Variants in EIF4E observed in about 807,000 individuals in gnomAD.
EIF4E encodes the protein eukaryotic translation initiation factor 4E.
For missense variants in EIF4E, 113 were observed against 265.6 expected (o/e 0.43, Z 3.99); for synonymous variants, 71 against 88.5 (o/e 0.80, Z 1.11).
At chr4:98,888,269 A>G (rs905601718) in intron 3 of EIF4E, among the ~76,000 whole-genome samples, 9 of 152,180 alleles carry the variant, frequency 5.9e-5, no homozygotes, top group South Asian at 4.1e-4. Context: ...AGGTGGCTTT[A>G]AGTAGATGAA....
rs564095919 is a variant in EIF4E, at chr4:98,901,208, T to TC, written c.125+667_125+668insG. On this transcript the variant is annotated intron_variant, in intron 2 of 6. Transcript: ENST00000450253. ...CATGACCACCACTGTCTCTTTTTTT[T>TC]TTTTTTGAGATGGAGTTTCGCTCTT... Among the ~76,000 whole-genome samples the TC allele has an allele frequency of 8.6e-5, 13 of 152,018 alleles. No homozygotes were observed. The South Asian group carries it at 2.7e-3, about 32-fold the overall frequency.
At chr4:98,888,098 T>C (rs955194084) in intron 3 of EIF4E, 146 bp from the exon 4 acceptor site, 42 of 714,156 alleles carry the variant, frequency 5.9e-5, no homozygotes, top group African/African-American at 5.4e-4. Context: ...ATTTCTAAAA[T>C]GGACAAAACA....
chr4:98,899,195 A>T (rs1315056871), intron 2 of EIF4E, among the ~76,000 whole-genome samples: 2 of 152,170 alleles, frequency 1.3e-5, no homozygotes, highest in Non-Finnish European at 2.9e-5. Flanking sequence ...CTTGGAAATA[A>T]ACTTGAAAAG....
At chr4:98,892,537 C>T (rs1399408089) in intron 2 of EIF4E, among the ~76,000 whole-genome samples, 1 of 150,920 alleles carries the variant, frequency 6.6e-6, no homozygotes, top group Non-Finnish European at 1.5e-5. Context: ...AAAAATTTAG[C>T]CAGGCCTGGT....
At chr4:98,919,520 C>T (rs1725555830) in intron 1 of EIF4E, among the ~76,000 whole-genome samples, 1 of 150,724 alleles carries the variant, frequency 6.6e-6, no homozygotes. Flanking sequence ...AATATGTATA[C>T]ATACATTTGC....
At chr4:98,882,304 A>C (rs956603125) in intron 6 of EIF4E, among the ~76,000 whole-genome samples, 6 of 151,328 alleles carry the variant, frequency 4.0e-5, no homozygotes, top group African/African-American at 1.5e-4. Context: ...AGGCAGGAGA[A>C]TGGCGTGAAC....
At chr4:98,915,150 C>T (rs1370771909) in intron 1 of EIF4E, among the ~76,000 whole-genome samples, 1 of 152,136 alleles carries the variant, frequency 6.6e-6, no homozygotes, top group Non-Finnish European at 1.5e-5. Flanking sequence ...AGGGTTTCAT[C>T]ATGTTGCCTA....
At chr4:98,902,602 C>G (rs1366907711) in intron 1 of EIF4E, among the ~76,000 whole-genome samples, 1 of 151,940 alleles carries the variant, frequency 6.6e-6, no homozygotes, top group Non-Finnish European at 1.5e-5. Context: ...TTGGGAAAAT[C>G]TTCTATCTTT....
rs1408744299 is a variant in EIF4E, at chr4:98,887,012, T to C, written c.399+67A>G. On this transcript the variant is annotated intron_variant, in intron 5 of 6. Coordinates refer to ENST00000450253, the MANE Select transcript of EIF4E (RefSeq NM_001968.5). The surrounding 1 kb of genome is among the most constrained non-coding windows in gnomAD (Gnocchi z 4.0). Reference sequence around the variant, plus strand: ...TAAATTAAGTAACAAATGTAAAACATAACATATCTTAAGTATCAGTATTCC... The same window carrying C: ...TAAATTAAGTAACAAATGTAAAACACAACATATCTTAAGTATCAGTATTCC... 2.5e-5 allele frequency: 36 copies of C among 1,465,966 alleles called. No homozygotes were observed. The highest frequency in any genetic ancestry group is 3.2e-5 in the Non-Finnish European group (34 of 1,048,120). The allele number at this position is 1,465,966 out of a possible 1,614,324, so 90.8% of individuals were successfully genotyped here. A position where few individuals can be genotyped will look rare whatever the true frequency, so the allele number is the denominator to read the frequency against.
intron 1 of EIF4E, among the ~76,000 whole-genome samples, chr4:98,917,267 G>T (rs1725429400): frequency 6.6e-6 from 1 of 151,766 alleles, no homozygotes; most frequent in Admixed American, 6.6e-5. Context: ...TACACCAGAA[G>T]AGTTCAGCTT....
At chr4:98,911,061 T>TC (rs1725103879) in intron 1 of EIF4E, among the ~76,000 whole-genome samples, 1 of 149,258 alleles carries the variant, frequency 6.7e-6, no homozygotes, top group African/African-American at 2.5e-5. Flanking sequence ...CTTTTTTTTT[T>TC]CCCTTTGAGA....
intron 1 of EIF4E, among the ~76,000 whole-genome samples, chr4:98,925,316 C>CA (rs891180081): frequency 7.3e-5 from 11 of 151,468 alleles, no homozygotes; most frequent in African/African-American, 2.7e-4. Flanking sequence ...AACTACAAGT[C>CA]AAAAAAAAAT....
intron 1 of EIF4E, among the ~76,000 whole-genome samples, chr4:98,905,469 G>T (rs1186453437): frequency 6.6e-6 from 1 of 152,140 alleles, no homozygotes; most frequent in Non-Finnish European, 1.5e-5. Context: ...TCCAGGTAGT[G>T]ACCAATGTGG....
chr4:98,911,175 A>G (rs1018662630), intron 1 of EIF4E, among the ~76,000 whole-genome samples: 1 of 151,602 alleles, frequency 6.6e-6, no homozygotes, highest in African/African-American at 2.4e-5. Context: ...CAGCCTCCCA[A>G]GTAGCTGGGA....
At chr4:98,906,155 T>C (rs566358282) in intron 1 of EIF4E, among the ~76,000 whole-genome samples, 3 of 152,314 alleles carry the variant, frequency 2.0e-5, no homozygotes, top group East Asian at 1.9e-4. Context: ...AATACCCCAT[T>C]TGTGTCCTCC....
At chr4:98,903,498 T>C (rs1442711341) in intron 1 of EIF4E, 1 of 455,524 alleles carries the variant, frequency 2.2e-6, no homozygotes, top group African/African-American at 2.0e-5. Context: ...GGCACCATGA[T>C]ACCTGGCTAA....
chr4:98,918,057 C>T (rs982521202), intron 1 of EIF4E, among the ~76,000 whole-genome samples: 9 of 148,880 alleles, frequency 6.0e-5, no homozygotes, highest in African/African-American at 2.2e-4. Context: ...AACAGTGAGA[C>T]CCTGTCTCAA....
At chr4:98,928,939 TC>T in intron 1 of EIF4E, 155 bp downstream of exon 1, 2 of 1,576,596 alleles carry the variant, frequency 1.3e-6, no homozygotes, top group South Asian at 1.2e-5. Flanking sequence ...CTCCGGGACG[TC>T]CCCACTTGTC....
At chr4:98,927,671 A>C (rs938606742) in intron 1 of EIF4E, among the ~76,000 whole-genome samples, 2 of 150,140 alleles carry the variant, frequency 1.3e-5, no homozygotes, top group African/African-American at 2.4e-5. Context: ...AAAAAAAAAA[A>C]AAAAAAAAAA....
Sources: allele counts gnomAD v4.1 joint callset (sites outside exome capture counted in the v4.1 genomes callset), GRCh38; gene constraint gnomAD v4.1.1; non-coding constraint Gnocchi (gnomAD v3.1); transcripts MANE v1.5; gene names NCBI Gene and HGNC (gene_info 2026-07-23, HGNC 2026-07-21).